The following PIK3C2G variants were observed in gnomAD, a reference collection of about 807,000 sequenced individuals.
PIK3C2G encodes the protein phosphatidylinositol 3-kinase C2 domain-containing subunit gamma.
PIK3C2G carries 168 observed loss-of-function variants against 181.1 expected under a neutral mutation model. That is an observed-to-expected ratio of 0.93 (90% confidence interval 0.82 to 1.05). The LOEUF (loss-of-function observed/expected upper bound fraction) is 1.05. PIK3C2G is among the 50% of genes least tolerant of loss of function. PIK3C2G has a pLI of 0.00. For missense variants in PIK3C2G, 1,869 were observed against 1,732.8 expected (o/e 1.08, Z -1.40); for synonymous variants, 573 against 592.2 (o/e 0.97, Z 0.47).
chr12:18,491,167 G>A (rs1240745233), intron 19 of PIK3C2G, among the ~76,000 whole-genome samples: 2 of 152,124 alleles, frequency 1.3e-5, no homozygotes, highest in African/African-American at 4.8e-5. Context: ...TTTATGTTTT[G>A]TTTGAACAGT....
chr12:18,692,707 C>A, the PIK3C2G span: 1 of 772,170 alleles, frequency 1.3e-6, no homozygotes, highest in Non-Finnish European at 2.1e-6. Flanking sequence ...CAAATACAGA[C>A]TTTGAATCAT....
At chr12:18,568,035 C>A (rs1945728864) in intron 29 of PIK3C2G, among the ~76,000 whole-genome samples, 1 of 152,136 alleles carries the variant, frequency 6.6e-6, no homozygotes, top group Non-Finnish European at 1.5e-5. Flanking sequence ...TTCTGACCCT[C>A]CTGCCTCCCT....
chr12:18,630,067 A>G (rs77188380), intron 31 of PIK3C2G, among the ~76,000 whole-genome samples: 2,893 of 152,192 alleles, frequency 0.019, 117 homozygotes, highest in African/African-American at 0.065. Context: ...AGGATTTGCT[A>G]TAAAAGAAAG....
At chr12:18,634,189 A>G (rs950337801) in intron 31 of PIK3C2G, among the ~76,000 whole-genome samples, 2 of 152,154 alleles carry the variant, frequency 1.3e-5, no homozygotes, top group Non-Finnish European at 2.9e-5. Context: ...AAGTCCATGA[A>G]CATGGGCCCA....
chr12:18,583,923 T>C (rs750466361), intron 29 of PIK3C2G, among the ~76,000 whole-genome samples: 3 of 152,158 alleles, frequency 2.0e-5, no homozygotes, highest in Non-Finnish European at 2.9e-5. Flanking sequence ...ACAAAGATCA[T>C]TGATGCTCAG....
intron 16 of PIK3C2G, among the ~76,000 whole-genome samples, chr12:18,408,064 CA>C (rs1214815851): frequency 1.3e-5 from 2 of 152,168 alleles, no homozygotes; most frequent in African/African-American, 4.8e-5. Context: ...TCTTAAAGAT[CA>C]CTCTGGTTTC....
intron 1 of PIK3C2G, among the ~76,000 whole-genome samples, chr12:18,265,251 A>G (rs1490349512): frequency 6.6e-6 from 1 of 152,202 alleles, no homozygotes; most frequent in African/African-American, 2.4e-5. Flanking sequence ...CTGATGTGAG[A>G]AAATTATTTT....
chr12:18,681,749 G>A, the PIK3C2G span, among the ~76,000 whole-genome samples: 28 of 152,004 alleles, frequency 1.8e-4, no homozygotes, highest in Non-Finnish European at 7.4e-5. Context: ...CAAAATTAGT[G>A]AGATAAGTTT....
rs147582188 is a variant in PIK3C2G at position 18,408,281 on chromosome 12, T to C, written c.2315+8434T>C. ...GGATCCAGTTTTAGCTTTCTGGATA[T>C]GGCTAACCAGTTTTCCCAACACCAT... On this transcript the variant is annotated intron_variant, in intron 16 of 32. Coordinates refer to ENST00000538779, the MANE Select transcript of PIK3C2G (RefSeq NM_001288772.2). Among the ~76,000 whole-genome samples the C allele has an allele frequency of 2.0e-5, 3 of 152,306 alleles. No homozygotes were observed. In the East Asian group the frequency reaches 5.8e-4, roughly 29 times the overall value.
intron 26 of PIK3C2G, among the ~76,000 whole-genome samples, chr12:18,555,391 G>A (rs1944951779): frequency 6.6e-6 from 1 of 152,110 alleles, no homozygotes; most frequent in Non-Finnish European, 1.5e-5. Flanking sequence ...CTGCCTAGAT[G>A]CTGAACCTGA....
At chr12:18,580,031 GC>G (rs1946416519) in intron 29 of PIK3C2G, among the ~76,000 whole-genome samples, 1 of 151,940 alleles carries the variant, frequency 6.6e-6, no homozygotes, top group South Asian at 2.1e-4. Flanking sequence ...TACTTGGGAG[GC>G]TGAGGCAGGA....
At chr12:18,568,327 A>G (rs1379528189) in intron 29 of PIK3C2G, among the ~76,000 whole-genome samples, 3 of 152,090 alleles carry the variant, frequency 2.0e-5, no homozygotes, top group African/African-American at 7.2e-5. Context: ...AGAAACTAAA[A>G]CTAAGCCTTA....
chr12:18,594,389 C>T (rs1387179062), intron 29 of PIK3C2G, 105 bp from the exon 30 acceptor site: 11 of 616,358 alleles, frequency 1.8e-5, no homozygotes, highest in Admixed American at 1.2e-4. Context: ...GAATCTATAA[C>T]AGGTATCTAT....
intron 31 of PIK3C2G, among the ~76,000 whole-genome samples, chr12:18,637,623 C>T (rs1461437240): frequency 2.0e-5 from 3 of 152,152 alleles, no homozygotes; most frequent in Non-Finnish European, 2.9e-5. Flanking sequence ...TCTAATTACC[C>T]CCGTTGCATT....
At chr12:18,531,932 G>A (rs1441313008) in intron 24 of PIK3C2G, among the ~76,000 whole-genome samples, 3 of 151,688 alleles carry the variant, frequency 2.0e-5, no homozygotes, top group Non-Finnish European at 4.4e-5. Flanking sequence ...GTATCTTGTT[G>A]TTGTTTTTAA....
At chr12:18,264,179 G>T (rs1948375300) in intron 1 of PIK3C2G, among the ~76,000 whole-genome samples, 1 of 151,650 alleles carries the variant, frequency 6.6e-6, no homozygotes, top group Non-Finnish European at 1.5e-5. Context: ...ATTTATATCT[G>T]TACTTTCTCA....
intron 20 of PIK3C2G, 128 bp downstream of exon 20, chr12:18,491,686 T>C (rs955792313): frequency 1.8e-6 from 1 of 566,720 alleles, no homozygotes; most frequent in Non-Finnish European, 3.2e-6. Flanking sequence ...AAAAAGTAAC[T>C]GAATCCATTT....
chr12:18,482,866 C>T (rs1939691565), intron 18 of PIK3C2G, among the ~76,000 whole-genome samples: 1 of 152,158 alleles, frequency 6.6e-6, no homozygotes, highest in African/African-American at 2.4e-5. Context: ...AACACCCCCA[C>T]CTGCAAATAT....
intron 19 of PIK3C2G, 24 bp from the exon 20 acceptor site, chr12:18,491,427 C>T (rs978957198): frequency 8.3e-7 from 1 of 1,203,966 alleles, no homozygotes; most frequent in South Asian, 1.3e-5. Context: ...TTTCTTAAAT[C>T]CTTTTTCTAA....
Sources: gnomAD v4.1 joint callset for allele counts (sites outside exome capture counted in the v4.1 genomes callset) on GRCh38, gnomAD v4.1.1 for gene constraint, MANE v1.5 for transcripts, NCBI Gene and HGNC (gene_info 2026-07-23, HGNC 2026-07-21) for gene names.